The following FUT8 variants were observed in gnomAD, a reference collection of about 807,000 sequenced individuals.
FUT8 encodes fucosyltransferase 8.
Under a neutral mutation model 71.3 loss-of-function variants are expected in FUT8, and 29 were observed. That is an observed-to-expected ratio of 0.41 (90% CI 0.30 to 0.55). FUT8 has a LOEUF of 0.55. Among genes scored for constraint, FUT8 ranks in the 20% least tolerant of loss-of-function variants. The pLI, the probability that FUT8 is intolerant of heterozygous loss-of-function variation, is 0.34. For synonymous variants in FUT8, 254 were observed against 239.3 expected (o/e 1.06, Z -0.57); for missense variants, 544 against 702.1 (o/e 0.77, Z 2.55).
intron 7 of FUT8, among the ~76,000 whole-genome samples, chr14:65,715,947 A>T (rs1306401395): frequency 3.4e-5 from 5 of 148,422 alleles, no homozygotes; most frequent in Admixed American, 6.8e-5. Context: ...ACTGCACTCC[A>T]GCCTGGACAA....
intron 6 of FUT8, among the ~76,000 whole-genome samples, chr14:65,648,024 T>TTATTGGCCTAGACCAGAGGTCAGCA (rs1262052092): frequency 1.3e-5 from 2 of 152,218 alleles, no homozygotes; most frequent in African/African-American, 4.8e-5. Flanking sequence ...TTTACAGATT[T>TTATTGGCCTAGACCAGAGGTCAGCA]TATTGGCCTA....
intron 5 of FUT8, among the ~76,000 whole-genome samples, chr14:65,625,142 G>C (rs937984705): frequency 2.0e-5 from 3 of 152,070 alleles, no homozygotes; most frequent in Admixed American, 2.0e-4. Context: ...ACTCCTATTT[G>C]ATAGGTAGGA....
intron 9 of FUT8, 90 bp downstream of exon 9, chr14:65,724,413 A>G: frequency 1.3e-6 from 1 of 754,812 alleles, no homozygotes; most frequent in East Asian, 2.8e-5. Flanking sequence ...ATTTTTGTAT[A>G]TTATTATTGC....
intron 2 of FUT8, among the ~76,000 whole-genome samples, chr14:65,553,340 C>T (rs191034538): frequency 8.0e-4 from 121 of 152,102 alleles, no homozygotes; most frequent in African/African-American, 2.6e-3. Context: ...CCATTTCCTC[C>T]GTCTCATCTT....
intron 7 of FUT8, among the ~76,000 whole-genome samples, chr14:65,677,153 C>CGT (rs1555383287): frequency 1.4e-4 from 9 of 64,714 alleles, no homozygotes; most frequent in African/African-American, 4.1e-4. Flanking sequence ...TGTGTGTGTG[C>CGT]GCGCGCGCAT....
At chr14:65,705,268 G>A (rs1894501156) in intron 7 of FUT8, among the ~76,000 whole-genome samples, 1 of 152,142 alleles carries the variant, frequency 6.6e-6, no homozygotes, top group African/African-American at 2.4e-5. Context: ...CAGGAAAGTA[G>A]CCTAGATGTT....
intron 2 of FUT8, among the ~76,000 whole-genome samples, chr14:65,458,791 C>CT (rs748466416): frequency 0.033 from 4,492 of 135,474 alleles, 184 homozygotes; most frequent in African/African-American, 0.1. Flanking sequence ...TCTTTTCTTT[C>CT]TTTTTTTTTT....
At chr14:65,422,850 C>CT (rs1394012558) in intron 1 of FUT8, among the ~76,000 whole-genome samples, 1 of 151,766 alleles carries the variant, frequency 6.6e-6, no homozygotes, top group African/African-American at 2.4e-5. Flanking sequence ...CAGGGTCTCG[C>CT]TGTATTGCCC....
the FUT8 span, among the ~76,000 whole-genome samples, chr14:65,370,444 G>A: frequency 2.0e-5 from 3 of 151,494 alleles, no homozygotes; most frequent in Non-Finnish European, 1.5e-5. Context: ...TCCTGACCTC[G>A]TGATCTGCCT....
chr14:65,691,986 C>G (rs1053396596), intron 7 of FUT8, among the ~76,000 whole-genome samples: 1 of 152,054 alleles, frequency 6.6e-6, no homozygotes, highest in African/African-American at 2.4e-5. Flanking sequence ...AATGAAAAGT[C>G]TCCCATGTCT....
chr14:65,512,218 C>T (rs566150305), intron 2 of FUT8, among the ~76,000 whole-genome samples: 8 of 152,248 alleles, frequency 5.3e-5, no homozygotes, highest in Admixed American at 2.6e-4. Context: ...GGGTGGAGTG[C>T]GGTGGCGCGA....
intron 3 of FUT8, among the ~76,000 whole-genome samples, chr14:65,606,042 G>T (rs1888567364): frequency 6.8e-6 from 1 of 146,192 alleles, no homozygotes; most frequent in South Asian, 2.2e-4. Context: ...CCTGTGACTT[G>T]TCTATTAATT....
the FUT8 span, among the ~76,000 whole-genome samples, chr14:65,403,334 T>C: frequency 6.6e-6 from 1 of 152,224 alleles, no homozygotes; most frequent in Non-Finnish European, 1.5e-5. Context: ...TATTAATTGG[T>C]GAGCAAGGAT....
At chr14:65,738,093 G>A (rs1372423599) in intron 10 of FUT8, among the ~76,000 whole-genome samples, 1 of 152,114 alleles carries the variant, frequency 6.6e-6, no homozygotes, top group Non-Finnish European at 1.5e-5. Flanking sequence ...AAAAGTATTT[G>A]CATCCACAGA....
chr14:65,711,166 A>G (rs1894797367), intron 7 of FUT8, among the ~76,000 whole-genome samples: 1 of 152,248 alleles, frequency 6.6e-6, no homozygotes, highest in African/African-American at 2.4e-5. Flanking sequence ...AACAGTAATG[A>G]TCACTAAATA....
At chr14:65,362,965 A>C in the FUT8 span, among the ~76,000 whole-genome samples, 1 of 13,044 alleles carries the variant, frequency 7.7e-5, no homozygotes, top group Admixed American at 9.2e-4. Context: ...CTGTTTCAAA[A>C]AAAAAAAAAA....
intron 6 of FUT8, among the ~76,000 whole-genome samples, chr14:65,662,586 A>C (rs1276129395): frequency 1.3e-5 from 2 of 152,202 alleles, no homozygotes; most frequent in African/African-American, 4.8e-5. Flanking sequence ...AATACTCAAA[A>C]AGAACACACA....
chr14:65,378,002 G>A, the FUT8 span, among the ~76,000 whole-genome samples: 1 of 152,138 alleles, frequency 6.6e-6, no homozygotes, highest in South Asian at 2.1e-4. Flanking sequence ...AAGAGATGAG[G>A]GGCAGAGGGA....
In FUT8 at chr14:65,413,254, G is replaced by C. The variant is rs1372545515; in HGVS notation, c.-326+40G>C. The C allele has an allele frequency of 6.6e-6, 1 of 152,572 alleles. No individual in the cohort carries two copies. The highest frequency in any genetic ancestry group is 1.5e-5 in the Non-Finnish European group (1 of 68,272). The allele number at this position is 152,572 out of a possible 1,614,324, so 9.5% of individuals were successfully genotyped here. A position where few individuals can be genotyped will look rare whatever the true frequency, so the allele number is the denominator to read the frequency against. On this transcript the variant is annotated intron_variant, in intron 1 of 10. Transcript: ENST00000673929. The surrounding 1 kb of genome is among the most constrained non-coding windows in gnomAD (Gnocchi z 4.1). ...TGGGAGCCGGGCCCCGCGCGCCTCG[G>C]GGTCTTGGGCTGGGCTGCGCGCGGG...
Sources: gnomAD v4.1 joint callset for allele counts (sites outside exome capture counted in the v4.1 genomes callset) on GRCh38, gnomAD v4.1.1 for gene constraint, Gnocchi (gnomAD v3.1) non-coding constraint, MANE v1.5 for transcripts, NCBI Gene and HGNC (gene_info 2026-07-23, HGNC 2026-07-21) for gene names.